Variants in ME3 observed in about 807,000 individuals in gnomAD.
The protein encoded by ME3 is malic enzyme 3, also known as NADP-dependent malic enzyme, mitochondrial.
ME3 carries 48 observed loss-of-function variants against 68.9 expected under a neutral mutation model. The observed-to-expected ratio is 0.70, with a 90% CI of 0.55 to 0.89. The LOEUF is 0.89. ME3 is among the 40% of genes least tolerant of loss of function. The probability of loss-of-function intolerance (pLI) is 0.00; values close to 1 mark genes in which losing one functional copy is unlikely to be tolerated. For synonymous variants in ME3, 320 were observed against 318.8 expected, an observed-to-expected ratio of 1.00 and a Z score of -0.04; for missense variants, 675 against 797.4, an observed-to-expected ratio of 0.85 and a Z score of 1.85.
At chr11:86,587,262 G>T (rs1225541128) in intron 2 of ME3, among the ~76,000 whole-genome samples, 1 of 152,228 alleles carries the variant, frequency 6.6e-6, no homozygotes, top group Non-Finnish European at 1.5e-5. Flanking sequence ...CTGCTCTGCA[G>T]AATCCCAGAG....
chr11:86,470,632 A>T (rs1357028762), intron 7 of ME3, among the ~76,000 whole-genome samples: 1 of 152,228 alleles, frequency 6.6e-6, no homozygotes, highest in Non-Finnish European at 1.5e-5. Flanking sequence ...ATTTGACCAG[A>T]CACCTTACTC....
At chr11:86,450,515 C>G in intron 8 of ME3, 117 bp from the exon 9 acceptor site, 1 of 728,026 alleles carries the variant, frequency 1.4e-6, no homozygotes, top group South Asian at 1.7e-5. Flanking sequence ...CTTTTCTTAG[C>G]CCTTATGCCC....
chr11:86,497,361 CAG>C (rs1952413713), intron 6 of ME3, among the ~76,000 whole-genome samples: 1 of 152,148 alleles, frequency 6.6e-6, no homozygotes, highest in Non-Finnish European at 1.5e-5. Flanking sequence ...TTTTCTGACA[CAG>C]AGACAGAGCT....
chr11:86,527,290 T>C (rs889252598), intron 4 of ME3, among the ~76,000 whole-genome samples: 17 of 151,756 alleles, frequency 1.1e-4, no homozygotes, highest in African/African-American at 3.9e-4. Context: ...ATGAATGAAA[T>C]GAAGTGAGAA....
At chr11:86,555,965 C>T (rs1339004248) in intron 4 of ME3, among the ~76,000 whole-genome samples, 1 of 151,696 alleles carries the variant, frequency 6.6e-6, no homozygotes, top group African/African-American at 2.4e-5. Flanking sequence ...ACCATTTTTT[C>T]TTTTTTTTAA....
intron 2 of ME3, among the ~76,000 whole-genome samples, chr11:86,593,119 C>T (rs890951523): frequency 6.6e-6 from 1 of 152,178 alleles, no homozygotes; most frequent in Non-Finnish European, 1.5e-5. Flanking sequence ...GAAAATGACT[C>T]ATTTCTGTAT....
At chr11:86,618,543 G>T (rs1246430973) in intron 2 of ME3, among the ~76,000 whole-genome samples, 1 of 151,974 alleles carries the variant, frequency 6.6e-6, no homozygotes, top group African/African-American at 2.4e-5. Context: ...CCTTGAAGCT[G>T]GTCACAATTG....
intron 8 of ME3, among the ~76,000 whole-genome samples, chr11:86,454,832 G>C (rs1390182982): frequency 6.6e-6 from 1 of 152,198 alleles, no homozygotes; most frequent in Non-Finnish European, 1.5e-5. Flanking sequence ...TTGCAGGGTG[G>C]GAGTATGAGT....
chr11:86,489,492 T>G (rs1663470854), intron 6 of ME3, among the ~76,000 whole-genome samples: 1 of 152,108 alleles, frequency 6.6e-6, no homozygotes, highest in Non-Finnish European at 1.5e-5. Context: ...CTTAACCCAA[T>G]GAGGTTGTGT....
chr11:86,621,554 T>A (rs1320957553), intron 2 of ME3, among the ~76,000 whole-genome samples: 2 of 152,078 alleles, frequency 1.3e-5, no homozygotes, highest in East Asian at 3.8e-4. Flanking sequence ...GTCTTTCTTT[T>A]CTTTCTCTCC....
At chr11:86,591,166 AG>A (rs1338395776) in intron 2 of ME3, among the ~76,000 whole-genome samples, 2 of 148,626 alleles carry the variant, frequency 1.3e-5, no homozygotes, top group African/African-American at 5.0e-5. Flanking sequence ...TGTAGGGGTC[AG>A]ATTAGCTGCC....
At chr11:86,518,725 A>G (rs980606250) in intron 4 of ME3, among the ~76,000 whole-genome samples, 4 of 152,180 alleles carry the variant, frequency 2.6e-5, no homozygotes, top group East Asian at 1.9e-4. Context: ...CACAAATTCT[A>G]ATGTCGGGTG....
intron 4 of ME3, among the ~76,000 whole-genome samples, chr11:86,538,973 A>C (rs949180995): frequency 3.3e-5 from 5 of 152,222 alleles, no homozygotes; most frequent in African/African-American, 1.2e-4. Flanking sequence ...ATTAGGTCAT[A>C]TATCTACACC....
chr11:86,485,507 G>C (rs2138913901), intron 7 of ME3, among the ~76,000 whole-genome samples: 1 of 152,262 alleles, frequency 6.6e-6, no homozygotes, highest in Middle Eastern at 3.4e-3. Context: ...CCCAATAGCA[G>C]CCCTTCCTCC....
chr11:86,498,762 G>C (rs1214165369), intron 5 of ME3, among the ~76,000 whole-genome samples: 12 of 152,152 alleles, frequency 7.9e-5, no homozygotes, highest in Admixed American at 7.9e-4. Flanking sequence ...CTTACCTACT[G>C]TGAATTAATA....
At chr11:86,448,303 G>A in intron 10 of ME3, 48 bp from the exon 11 acceptor site, 2 of 1,392,066 alleles carry the variant, frequency 1.4e-6, no homozygotes, top group African/African-American at 1.4e-5. Context: ...TGGCCTGTTG[G>A]GTAGGAGTAC....
At chr11:86,465,569 G>T (rs1412638992) in intron 7 of ME3, among the ~76,000 whole-genome samples, 1 of 152,132 alleles carries the variant, frequency 6.6e-6, no homozygotes, top group African/African-American at 2.4e-5. Flanking sequence ...GATCCCAGAA[G>T]AAAGCTCACT....
chr11:86,480,825 A>G (rs2138873685), intron 7 of ME3, among the ~76,000 whole-genome samples: 1 of 152,294 alleles, frequency 6.6e-6, no homozygotes, highest in East Asian at 1.9e-4. Context: ...AAGCTGCCAG[A>G]GCTGTAGGTG....
intron 2 of ME3, among the ~76,000 whole-genome samples, chr11:86,647,464 G>A (rs946421384): frequency 1.3e-5 from 2 of 148,830 alleles, no homozygotes; most frequent in African/African-American, 2.5e-5. Context: ...CAGCCTGGGA[G>A]ACACAGCGAG....
Sources: gnomAD v4.1 joint callset for allele counts (sites outside exome capture counted in the v4.1 genomes callset) on GRCh38, gnomAD v4.1.1 for gene constraint, MANE v1.5 for transcripts, NCBI Gene and HGNC (gene_info 2026-07-23, HGNC 2026-07-21) for gene names.